HCN4: variants seen among roughly 807,000 people sequenced by gnomAD.
HCN4 encodes potassium/sodium hyperpolarization-activated cyclic nucleotide-gated channel 4.
HCN4 carries 29 observed loss-of-function variants against 76.9 expected under a neutral mutation model. The observed-to-expected ratio is 0.38, with a 90% CI of 0.28 to 0.51. The LOEUF (loss-of-function observed/expected upper bound fraction) is 0.51. Among genes scored for constraint, HCN4 ranks in the 20% least tolerant of loss-of-function variants. HCN4 has a pLI of 0.90. For missense variants in HCN4, 1,416 were observed against 1,715.2 expected (o/e 0.83, Z 3.08); for synonymous variants, 772 against 762.5 (o/e 1.01, Z -0.21).
intron 1 of HCN4, among the ~76,000 whole-genome samples, chr15:73,346,378 GCT>G (rs1285644469): frequency 6.6e-6 from 1 of 152,190 alleles, no homozygotes; most frequent in Non-Finnish European, 1.5e-5. Flanking sequence ...TCTGTCAAAT[GCT>G]CTGACCTATG....
At chr15:73,331,341 A>G (rs1336137506) in intron 3 of HCN4, among the ~76,000 whole-genome samples, 1 of 152,174 alleles carries the variant, frequency 6.6e-6, no homozygotes, top group Non-Finnish European at 1.5e-5. Context: ...GGATCAGGAT[A>G]TGTTGGCGAG....
intron 1 of HCN4, among the ~76,000 whole-genome samples, chr15:73,348,464 C>T (rs569741546): frequency 6.6e-6 from 1 of 152,358 alleles, no homozygotes; most frequent in African/African-American, 2.4e-5. Flanking sequence ...TGTAAACACG[C>T]TCTTGCCTTT....
chr15:73,322,992 G>T lies in HCN4; in HGVS notation c.3101C>A (p.Pro1034His). ...CGGGGCACTCGGGAAGGTTCTTGGG[G>T]GGCCTGGGCTGTGGCCAGGGGGGCT... ...GLSPPGHSPGPPRTFPSAPPR... is the reference protein window; with the variant it reads ...GLSPPGHSPGHPRTFPSAPPR... Residue 1034 changes from proline (P) to histidine (H), a missense_variant, in exon 8 of 8, where the codon CCC (proline) becomes CAC (histidine). Pro to His is a moderately conservative substitution (Grantham distance 77, BLOSUM62 -2). Coordinates refer to ENST00000261917, the MANE Select transcript of HCN4 (RefSeq NM_005477.3). The T allele has an allele frequency of 1.4e-6, 2 of 1,452,692 alleles. No individual in the cohort carries two copies. Among genetic ancestry groups the T allele is most frequent in the Admixed American group, 2.8e-5 (1 of 36,334 alleles). The allele number at this position is 1,452,692 out of a possible 1,614,324, so 90.0% of individuals were successfully genotyped here. A position where few individuals can be genotyped will look rare whatever the true frequency, so the allele number is the denominator to read the frequency against.
intron 1 of HCN4, among the ~76,000 whole-genome samples, chr15:73,361,817 A>G (rs1408932669): frequency 6.6e-6 from 1 of 152,196 alleles, no homozygotes; most frequent in Non-Finnish European, 1.5e-5. Context: ...GGCAGGGAAG[A>G]AGGATATAAG....
At chr15:73,353,397 T>C (rs1174802787) in intron 1 of HCN4, among the ~76,000 whole-genome samples, 2 of 152,116 alleles carry the variant, frequency 1.3e-5, no homozygotes, top group South Asian at 4.1e-4. Context: ...GAGGTCAGGA[T>C]GAGAAGATGT....
chr15:73,358,285 C>T (rs2043090214), intron 1 of HCN4, among the ~76,000 whole-genome samples: 1 of 152,228 alleles, frequency 6.6e-6, no homozygotes, highest in Non-Finnish European at 1.5e-5. Context: ...TGAACGGGAC[C>T]TGTGGACCTG....
Position 73,321,927 on chromosome 15 carries a change from T to A in HCN4, c.*554A>T, listed in dbSNP as rs1319477936. 1 of 175,032 alleles carries A rather than the reference T, an allele frequency of 5.7e-6. No homozygotes were observed. Among genetic ancestry groups the A allele is most frequent in the Non-Finnish European group, 1.2e-5 (1 of 81,534 alleles). The allele number at this position is 175,032 out of a possible 1,614,324, so 10.8% of individuals were successfully genotyped here. ...TACATATACACATCTTACATACATA[T>A]ACATATACATATTCATATACAGATC... On this transcript the variant is annotated 3_prime_UTR_variant, in exon 8 of 8. Transcript: ENST00000261917.
intron 1 of HCN4, among the ~76,000 whole-genome samples, chr15:73,354,695 G>A (rs948427784): frequency 1.3e-5 from 2 of 152,168 alleles, no homozygotes; most frequent in African/African-American, 4.8e-5. Flanking sequence ...AGTCTAGGAA[G>A]ACCAAATGAG....
intron 4 of HCN4, among the ~76,000 whole-genome samples, chr15:73,329,343 C>T (rs1009636202): frequency 6.6e-6 from 1 of 152,104 alleles, no homozygotes; most frequent in East Asian, 1.9e-4. Context: ...ACACTGGAGA[C>T]GGGGAAGGTG....
In HCN4 at chr15:73,343,679, G is replaced by T. The variant is rs1272107414; in HGVS notation, c.915C>A (p.Phe305Leu). The change falls in exon 2 of 8, where the codon TTC becomes TTA. Residue 305 changes from phenylalanine (F) to leucine (L), a missense_variant. Physicochemically the swap from Phe to Leu is conservative, Grantham distance 22. This residue lies in a region of HCN4 where 52 missense variants were observed against 129.1 expected (regional missense o/e 0.40). Coordinates refer to ENST00000261917, the MANE Select transcript of HCN4 (RefSeq NM_005477.3). The surrounding 1 kb of genome is among the most constrained non-coding windows in gnomAD (Gnocchi z 5.7). ...WIVFNVVSDTFFLIDLVLNFR... is the reference protein window; with the variant it reads ...WIVFNVVSDTLFLIDLVLNFR... ...AGTTGAGGACCAAGTCGATGAGGAA[G>T]AATGTGTCTGACACCACATTGAAGA... 4 of 1,614,064 alleles carry T rather than the reference G, an allele frequency of 2.5e-6. No individual in the cohort carries two copies. Among genetic ancestry groups the T allele is most frequent in the East Asian group, 2.2e-5 (1 of 44,894 alleles).
rs765076344 is a variant in HCN4, at chr15:73,332,113, C to G, written c.1371+18G>C. The G allele has an allele frequency of 1.2e-6, 2 of 1,612,528 alleles. No individual in the cohort carries two copies. The highest frequency in any genetic ancestry group is 3.3e-5 in the Admixed American group (2 of 59,992). On this transcript the variant is annotated intron_variant, in intron 3 of 7. Coordinates refer to ENST00000261917, the MANE Select transcript of HCN4 (RefSeq NM_005477.3). ...CCCGCCTATGGCCCAGAGAGAGGAC[C>G]GGGCTGGGCGCACTCACCACCATGT...
At chr15:73,330,588 G>A (rs940076827) in intron 3 of HCN4, among the ~76,000 whole-genome samples, 1 of 152,202 alleles carries the variant, frequency 6.6e-6, no homozygotes, top group African/African-American at 2.4e-5. Context: ...TGAACCTGAC[G>A]AATGCCAGCA....
At chr15:73,345,634 A>C (rs975839879) in intron 1 of HCN4, among the ~76,000 whole-genome samples, 24 of 152,076 alleles carry the variant, frequency 1.6e-4, no homozygotes, top group Non-Finnish European at 2.6e-4. Context: ...ACCTCACTCA[A>C]AGACAGCTGT....
intron 1 of HCN4, among the ~76,000 whole-genome samples, chr15:73,359,661 C>T (rs910689467): frequency 1.3e-5 from 2 of 152,158 alleles, no homozygotes; most frequent in African/African-American, 4.8e-5. Context: ...ACCCCAGCCA[C>T]GGACTGAACC....
intron 2 of HCN4, 103 bp from the exon 3 acceptor site, chr15:73,332,395 G>T: frequency 8.6e-7 from 1 of 1,165,850 alleles, no homozygotes; most frequent in South Asian, 1.3e-5. Context: ...TGCTCTGCCT[G>T]GACTCTGCAG....
chr15:73,343,824 G>A lies in HCN4; in HGVS notation c.786-16C>T. 1 of 1,613,446 alleles carries A rather than the reference G, an allele frequency of 6.2e-7. No homozygotes were observed. Among genetic ancestry groups the A allele is most frequent in the Non-Finnish European group, 8.5e-7 (1 of 1,179,882 alleles). On this transcript the variant is annotated splice_polypyrimidine_tract_variant and intron_variant, in intron 1 of 7. Coordinates refer to ENST00000261917, the MANE Select transcript of HCN4 (RefSeq NM_005477.3). The surrounding 1 kb of genome is among the most constrained non-coding windows in gnomAD (Gnocchi z 5.7). ...CCAGTAAAATCTGCCCAGAGACACA[G>A]GGGTCAGTCGCCAGGAAGAGAGAGA...
chr15:73,339,582 G>T (rs1312367742), intron 2 of HCN4, among the ~76,000 whole-genome samples: 1 of 152,248 alleles, frequency 6.6e-6, no homozygotes, highest in Non-Finnish European at 1.5e-5. Context: ...CTGGGGACTG[G>T]GCCCCAGGGA....
intron 1 of HCN4, among the ~76,000 whole-genome samples, chr15:73,350,224 A>G (rs1017634493): frequency 6.6e-6 from 1 of 152,054 alleles, no homozygotes; most frequent in African/African-American, 2.4e-5. Context: ...CCCAGACACG[A>G]TGGTCCAGCT....
Position 73,323,635 on chromosome 15 carries a change from C to T in HCN4, c.2458G>A (p.Gly820Arg), listed in dbSNP as rs761337460. The change falls in exon 8 of 8, where the codon GGG becomes AGG. Residue 820 changes from glycine (G) to arginine (R), a missense_variant. Coordinates refer to ENST00000261917, the MANE Select transcript of HCN4 (RefSeq NM_005477.3). ...PGSGLGNLGAGQTPRHLKRLQ... is the reference protein window; with the variant it reads ...PGSGLGNLGARQTPRHLKRLQ... Reference sequence around the variant, plus strand: ...CGTTTCAGGTGCCTTGGCGTCTGCCCGGCACCGAGGTTGCCCAGCCCAGAT... The same window carrying T: ...CGTTTCAGGTGCCTTGGCGTCTGCCTGGCACCGAGGTTGCCCAGCCCAGAT... 23 of 1,598,056 alleles carry T rather than the reference C, an allele frequency of 1.4e-5. No individual in the cohort carries two copies. The highest frequency in any genetic ancestry group is 8.0e-5 in the African/African-American group (6 of 74,844).
Sources: gnomAD v4.1 joint callset for allele counts (sites outside exome capture counted in the v4.1 genomes callset) on GRCh38, gnomAD v4.1.1 for gene constraint, gnomAD v4.1.1 regional missense constraint, Gnocchi (gnomAD v3.1) non-coding constraint, MANE v1.5 for transcripts, NCBI Gene and HGNC (gene_info 2026-07-23, HGNC 2026-07-21) for gene names.